Variants in SGCE observed in about 807,000 individuals in gnomAD.
The protein encoded by SGCE is sarcoglycan epsilon, also known as epsilon-sarcoglycan.
A neutral mutation model predicts 57.8 loss-of-function variants in SGCE; 26 were observed. The observed-to-expected ratio is 0.45, with a 90% CI of 0.33 to 0.62. The LOEUF (loss-of-function observed/expected upper bound fraction) is 0.62. Among genes scored for constraint, SGCE ranks in the 20% least tolerant of loss-of-function variants. The probability of loss-of-function intolerance (pLI) is 0.02; values close to 1 mark genes in which losing one functional copy is unlikely to be tolerated. For synonymous variants in SGCE, 183 were observed against 189.5 expected (o/e 0.97, Z 0.28); for missense variants, 468 against 548.6 (o/e 0.85, Z 1.47).
At chr7:94,616,565 C>T (rs1023574043) in intron 5 of SGCE, among the ~76,000 whole-genome samples, 16 of 152,022 alleles carry the variant, frequency 1.1e-4, no homozygotes, top group Middle Eastern at 6.8e-3. Flanking sequence ...AAAGAATATA[C>T]AAAGGCAGAA....
At chr7:94,604,122 A>C (rs1160025535) in intron 5 of SGCE, among the ~76,000 whole-genome samples, 1 of 152,116 alleles carries the variant, frequency 6.6e-6, no homozygotes, top group Non-Finnish European at 1.5e-5. Context: ...ATGGGGAAAG[A>C]TCTCTACTTA....
chr7:94,591,426 T>C (rs1293110621), intron 9 of SGCE, among the ~76,000 whole-genome samples: 1 of 152,154 alleles, frequency 6.6e-6, no homozygotes, highest in Admixed American at 6.6e-5. Flanking sequence ...TTACCATCTC[T>C]AGCTCTACCT....
intron 5 of SGCE, among the ~76,000 whole-genome samples, chr7:94,605,156 G>GC (rs1799921662): frequency 6.6e-6 from 1 of 151,900 alleles, no homozygotes; most frequent in East Asian, 1.9e-4. Flanking sequence ...GACTGAACAA[G>GC]CATCACACCG....
rs143839858 is a variant in SGCE, at chr7:94,618,837, G to A, written c.583C>T (p.Arg195Cys). The stretch of plus-strand genomic sequence containing the variant: ...GATGTGATGTTTATGGCGTTCAGGC[G>A]CTCTGGCTGCCACACATTTTTCACT... ...GAVKNVWQPE[R>C]LNAINITSAL... The change falls in exon 5 of 11, where the codon CGC becomes TGC. Residue 195 changes from arginine to cysteine, a missense_variant. By Grantham distance (180) the Arg-to-Cys change is radical. Transcript: ENST00000648936. 9 of 1,613,836 alleles carry A rather than the reference G, an allele frequency of 5.6e-6. No homozygotes were observed. The highest frequency in any genetic ancestry group is 3.3e-5 in the Admixed American group (2 of 59,988).
chr7:94,639,874 C>G (rs1806127709), intron 1 of SGCE, among the ~76,000 whole-genome samples: 1 of 152,114 alleles, frequency 6.6e-6, no homozygotes, highest in Non-Finnish European at 1.5e-5. Context: ...GAATTTTCCT[C>G]ACACTGGCAG....
At chr7:94,619,769 G>A (rs1802492474) in intron 4 of SGCE, 2 of 152,186 alleles carry the variant, frequency 1.3e-5, no homozygotes. Context: ...CAACAAGAGG[G>A]TGTGTAGCTG....
intron 1 of SGCE, among the ~76,000 whole-genome samples, chr7:94,648,005 T>C (rs1807344896): frequency 6.6e-6 from 1 of 152,144 alleles, no homozygotes; most frequent in Non-Finnish European, 1.5e-5. Context: ...AGTTCCACGA[T>C]AGCCGAGCTG....
chr7:94,654,862 C>T (rs1808368415), intron 1 of SGCE, among the ~76,000 whole-genome samples: 2 of 152,174 alleles, frequency 1.3e-5, no homozygotes, highest in Admixed American at 1.3e-4. Flanking sequence ...CAGCTGTAGA[C>T]AATTTGGTTT....
chr7:94,595,930 A>G (rs915259570), intron 9 of SGCE, among the ~76,000 whole-genome samples: 1 of 152,154 alleles, frequency 6.6e-6, no homozygotes, highest in African/African-American at 2.4e-5. Context: ...TCCTCTGATG[A>G]GTCAGACGCA....
At chr7:94,587,537 ATT>A in intron 10 of SGCE, 1 of 1,298,496 alleles carries the variant, frequency 7.7e-7, no homozygotes, top group South Asian at 2.7e-5. Context: ...TAGCTGTGAA[ATT>A]AGTGGTAGTA....
intron 4 of SGCE, chr7:94,622,128 T>C (rs904321631): frequency 4.6e-5 from 7 of 152,190 alleles, no homozygotes; most frequent in Non-Finnish European, 8.8e-5. Flanking sequence ...GCATTATCAT[T>C]AATGCTAAAT....
chr7:94,653,137 A>C (rs980953372), intron 1 of SGCE, among the ~76,000 whole-genome samples: 5 of 152,168 alleles, frequency 3.3e-5, no homozygotes, highest in African/African-American at 1.2e-4. Flanking sequence ...CTAGAACTTA[A>C]GCTAAATACA....
chr7:94,648,945 G>A (rs986882001), intron 1 of SGCE, among the ~76,000 whole-genome samples: 23 of 152,272 alleles, frequency 1.5e-4, no homozygotes, highest in African/African-American at 5.1e-4. Flanking sequence ...AATAATCAAA[G>A]TGGTGATCAG....
intron 4 of SGCE, chr7:94,621,976 C>T (rs1802858868): frequency 6.6e-6 from 1 of 152,186 alleles, no homozygotes; most frequent in Non-Finnish European, 1.5e-5. Flanking sequence ...TTGTTGTCTA[C>T]AATTGATACC....
At chr7:94,597,663 A>T (rs995893507) in intron 9 of SGCE, 2 of 152,186 alleles carry the variant, frequency 1.3e-5, no homozygotes, top group African/African-American at 4.8e-5. Context: ...AGCCAACTTC[A>T]TGACTTCTAG....
intron 1 of SGCE, among the ~76,000 whole-genome samples, chr7:94,643,770 G>A (rs753006140): frequency 2.0e-5 from 3 of 152,124 alleles, no homozygotes; most frequent in African/African-American, 4.8e-5. Flanking sequence ...ACATTGACAA[G>A]TACAGAATAC....
chr7:94,629,244 A>C (rs1804265052), intron 2 of SGCE: 1 of 154,576 alleles, frequency 6.5e-6, no homozygotes, highest in Non-Finnish European at 1.4e-5. Context: ...AATTGGTATC[A>C]CTTAAAAGGA....
At chr7:94,598,501 C>T (rs992490492) in intron 9 of SGCE, 3 of 385,334 alleles carry the variant, frequency 7.8e-6, no homozygotes, top group Non-Finnish European at 1.4e-5. Flanking sequence ...TTTGAGCAAA[C>T]ATGTAATGTT....
chr7:94,619,113 T>C (rs962630130), intron 4 of SGCE, 157 bp from the exon 5 acceptor site: 2 of 646,164 alleles, frequency 3.1e-6, no homozygotes, highest in African/African-American at 3.6e-5. Flanking sequence ...TAACAGAGGA[T>C]GTATCTAAAA....
Sources: gnomAD v4.1 joint callset for allele counts (sites outside exome capture counted in the v4.1 genomes callset) on GRCh38, gnomAD v4.1.1 for gene constraint, MANE v1.5 for transcripts, NCBI Gene and HGNC (gene_info 2026-07-23, HGNC 2026-07-21) for gene names.